Variants in THRB observed in about 807,000 individuals in gnomAD.
THRB encodes the protein thyroid hormone receptor beta.
Under a neutral mutation model 47.8 loss-of-function variants are expected in THRB, and 12 were observed. The ratio of observed to expected loss-of-function variants is 0.25; its 90% CI spans 0.16 to 0.41. The LOEUF (loss-of-function observed/expected upper bound fraction) is 0.41. Ranked by LOEUF, THRB falls within the 10% of genes least tolerant of loss-of-function variation. The pLI is 1.00. For synonymous variants in THRB, 218 were observed against 212.2 expected, an observed-to-expected ratio of 1.03 and a Z score of -0.24; for missense variants, 348 against 589.2, an observed-to-expected ratio of 0.59 and a Z score of 4.24.
chr3:24,453,251 T>A (rs1369330341), intron 1 of THRB, among the ~76,000 whole-genome samples: 1 of 152,256 alleles, frequency 6.6e-6, no homozygotes, highest in Non-Finnish European at 1.5e-5. Context: ...TTGTGATGCA[T>A]ATACAGCATT....
intron 2 of THRB, among the ~76,000 whole-genome samples, chr3:24,299,230 C>T (rs1181916877): frequency 8.0e-6 from 1 of 124,984 alleles, no homozygotes. Context: ...CCTGGGCGAC[C>T]GAGTGAGACT....
intron 4 of THRB, among the ~76,000 whole-genome samples, chr3:24,223,937 A>G (rs572618739): frequency 4.6e-5 from 7 of 152,152 alleles, no homozygotes; most frequent in Non-Finnish European, 1.0e-4. Flanking sequence ...AGAAAAATAT[A>G]AAGTTTTGAA....
chr3:24,380,801 T>C (rs1401689999), intron 1 of THRB, among the ~76,000 whole-genome samples: 4 of 152,144 alleles, frequency 2.6e-5, no homozygotes, highest in South Asian at 2.1e-4. Flanking sequence ...CTAAAAGATA[T>C]TGCCAAGGTC....
intron 1 of THRB, among the ~76,000 whole-genome samples, chr3:24,411,623 T>A (rs1409250336): frequency 6.6e-6 from 1 of 151,854 alleles, no homozygotes; most frequent in Non-Finnish European, 1.5e-5. Context: ...GCTGCCTGAC[T>A]ACTTTTATCT....
At chr3:24,322,617 T>A (rs1434911289) in intron 2 of THRB, among the ~76,000 whole-genome samples, 2 of 152,214 alleles carry the variant, frequency 1.3e-5, no homozygotes, top group Admixed American at 1.3e-4. Context: ...CTTCAGCATT[T>A]CCTTTCTGAA....
At chr3:24,199,022 C>G (rs926618339) in intron 4 of THRB, among the ~76,000 whole-genome samples, 2 of 152,086 alleles carry the variant, frequency 1.3e-5, no homozygotes, top group African/African-American at 4.8e-5. Context: ...ATTTATGGAG[C>G]ATTTATTTAA....
At chr3:24,381,063 C>T (rs1201384585) in intron 1 of THRB, among the ~76,000 whole-genome samples, 2 of 146,824 alleles carry the variant, frequency 1.4e-5, no homozygotes, top group African/African-American at 2.5e-5. Flanking sequence ...TGCAGTGGGC[C>T]GAGATCACGT....
chr3:24,193,585 G>A (rs76898085), intron 4 of THRB, among the ~76,000 whole-genome samples: 2,825 of 152,252 alleles, frequency 0.019, 78 homozygotes, highest in African/African-American at 0.06. Flanking sequence ...TTAAAAGTCA[G>A]GTGTTAATTA....
At chr3:24,482,398 G>T (rs1030018736) in intron 1 of THRB, among the ~76,000 whole-genome samples, 1 of 152,186 alleles carries the variant, frequency 6.6e-6, no homozygotes, top group Admixed American at 6.5e-5. Context: ...GACCATAGCT[G>T]GAAGGTGGCA....
In THRB at chr3:24,119,281, G is replaced by A. The variant is rs554107604; in HGVS notation, c.*3603C>T. On this transcript the variant is annotated 3_prime_UTR_variant, in exon 11 of 11. Coordinates refer to ENST00000646209, the MANE Select transcript of THRB (RefSeq NM_001354712.2). ...GAAAGGGCAAAGAGATTCAAATGTCGATCATCACTCTCCATTTGAGGAGGA... is the reference window on the plus strand; with the variant it reads ...GAAAGGGCAAAGAGATTCAAATGTCAATCATCACTCTCCATTTGAGGAGGA... 6.6e-6 allele frequency: 1 copy of A among 152,216 alleles called. No individual in the cohort carries two copies. Among genetic ancestry groups the A allele is most frequent in the South Asian group, 2.1e-4 (1 of 4,818 alleles). 9.4% of individuals were successfully genotyped at this position (152,216 alleles called of 1,614,324 possible).
At chr3:24,127,193 A>G (rs900804294) in intron 10 of THRB, among the ~76,000 whole-genome samples, 1 of 152,230 alleles carries the variant, frequency 6.6e-6, no homozygotes, top group Non-Finnish European at 1.5e-5. Context: ...CCAAACCAGA[A>G]GGAGGCAGGT....
intron 1 of THRB, among the ~76,000 whole-genome samples, chr3:24,375,644 AC>A (rs199705047): frequency 3.0e-4 from 45 of 151,144 alleles, no homozygotes; most frequent in African/African-American, 1.1e-3. Flanking sequence ...ATTTTCTTAG[AC>A]CCCCCCAGAC....
Position 24,284,735 on chromosome 3 carries a change from G to A in THRB, c.-43+12491C>T, listed in dbSNP as rs1341486695. On this transcript the variant is annotated intron_variant, in intron 3 of 10. Coordinates refer to ENST00000646209, the MANE Select transcript of THRB (RefSeq NM_001354712.2). ...ACAATGAACTCAAACAGATTTACAA[G>A]AAAAAAACAAACAACCCCATCAAAA... Among the ~76,000 whole-genome samples, 4 of 149,302 alleles carry A rather than the reference G, an allele frequency of 2.7e-5. 1 individual carries two copies. Among genetic ancestry groups the A allele is most frequent in the African/African-American group, 1.0e-4 (4 of 38,852 alleles).
At position 24,117,756 on chromosome 3, in the gene THRB, T is replaced by C. The variant is rs1231475870; in HGVS notation, c.*5128A>G. ...TATGCAATACCCTAGATCCCAGATA[T>C]TAAAGTCAATAATTAGCTTTCTGCT... On this transcript the variant is annotated 3_prime_UTR_variant, in exon 11 of 11. Transcript: ENST00000646209. 1 of 152,230 alleles carries C rather than the reference T, an allele frequency of 6.6e-6. No homozygotes were observed. The highest frequency in any genetic ancestry group is 1.5e-5 in the Non-Finnish European group (1 of 68,042). 9.4% of individuals were successfully genotyped at this position (152,230 alleles called of 1,614,324 possible).
chr3:24,452,212 T>C (rs7632970), intron 1 of THRB, among the ~76,000 whole-genome samples: 34,524 of 152,146 alleles, frequency 0.23, 4,333 homozygotes, highest in African/African-American at 0.32. Flanking sequence ...AACATTAATA[T>C]TTATTTTACC....
At chr3:24,141,301 G>C (rs986641610) in intron 8 of THRB, among the ~76,000 whole-genome samples, 9 of 152,192 alleles carry the variant, frequency 5.9e-5, no homozygotes, top group Non-Finnish European at 1.2e-4. Flanking sequence ...CTAATGACTA[G>C]ATATTGTGAC....
At chr3:24,350,103 C>A (rs567773154) in intron 1 of THRB, among the ~76,000 whole-genome samples, 1 of 152,042 alleles carries the variant, frequency 6.6e-6, no homozygotes, top group Non-Finnish European at 1.5e-5. Context: ...CAAATGCAAA[C>A]CAACATATAA....
At chr3:24,461,057 T>C (rs1331140632) in intron 1 of THRB, among the ~76,000 whole-genome samples, 1 of 152,200 alleles carries the variant, frequency 6.6e-6, no homozygotes, top group Non-Finnish European at 1.5e-5. Flanking sequence ...TGCACACCAT[T>C]TTCTAGGCAA....
At chr3:24,421,677 T>C (rs1197897733) in intron 1 of THRB, among the ~76,000 whole-genome samples, 6 of 151,924 alleles carry the variant, frequency 3.9e-5, no homozygotes. Context: ...ATCTCCATCA[T>C]TGATTATTTT....
Sources: gnomAD v4.1 joint callset for allele counts (sites outside exome capture counted in the v4.1 genomes callset) on GRCh38, gnomAD v4.1.1 for gene constraint, MANE v1.5 for transcripts, NCBI Gene and HGNC (gene_info 2026-07-23, HGNC 2026-07-21) for gene names.